Variants in B3GALT1 observed in about 807,000 individuals in gnomAD.
B3GALT1 encodes the protein UDP-Gal:betaGlcNAc beta 1,3-galactosyltransferase, polypeptide 1.
In B3GALT1, 10 loss-of-function variants were observed where a neutral mutation model predicts 23.2. The observed-to-expected ratio is 0.43, with a 90% CI of 0.27 to 0.73. B3GALT1 has a LOEUF of 0.73. Among genes scored for constraint, B3GALT1 ranks in the 30% least tolerant of loss-of-function variants. The pLI, the probability that B3GALT1 is intolerant of heterozygous loss-of-function variation, is 0.21. For missense variants in B3GALT1, 299 were observed against 405.4 expected (o/e 0.74, Z 2.25); for synonymous variants, 156 against 141.5 (o/e 1.10, Z -0.73).
At chr2:167,730,343 A>G (rs1484964036) in intron 3 of B3GALT1, among the ~76,000 whole-genome samples, 4 of 152,178 alleles carry the variant, frequency 2.6e-5, no homozygotes, top group African/African-American at 9.7e-5. Context: ...AACAACTCCC[A>G]AATTAGAAAG....
At chr2:167,728,947 A>G (rs537119542) in intron 3 of B3GALT1, among the ~76,000 whole-genome samples, 5 of 152,282 alleles carry the variant, frequency 3.3e-5, no homozygotes, top group Admixed American at 1.3e-4. Context: ...TGCTTTTTTT[A>G]TCTCAGATTC....
At chr2:167,676,327 T>G (rs1436706727) in intron 3 of B3GALT1, among the ~76,000 whole-genome samples, 1 of 151,990 alleles carries the variant, frequency 6.6e-6, no homozygotes, top group East Asian at 1.9e-4. Context: ...AAGAAAAAAA[T>G]GTAAGGTTTC....
At chr2:167,782,705 G>A (rs1188077792) in intron 3 of B3GALT1, among the ~76,000 whole-genome samples, 2 of 152,178 alleles carry the variant, frequency 1.3e-5, no homozygotes, top group African/African-American at 4.8e-5. Context: ...TTAACAGGGT[G>A]TGCATGTTAA....
Position 167,651,593 on chromosome 2 carries a change from G to C in B3GALT1, c.-352+4627G>C, listed in dbSNP as rs561546562. Among the ~76,000 whole-genome samples, 21 of 152,120 alleles carry C rather than the reference G, an allele frequency of 1.4e-4. No individual in the cohort carries two copies. The South Asian group carries it at 1.7e-3, about 12-fold the overall frequency. On this transcript the variant is annotated intron_variant, in intron 3 of 4. Transcript: ENST00000392690. ...TTCATTCATTCAATTAACTTTTATTGAACACCTACTATGTGCCATGTATCC... is the reference window on the plus strand; with the variant it reads ...TTCATTCATTCAATTAACTTTTATTCAACACCTACTATGTGCCATGTATCC...
intron 1 of B3GALT1, among the ~76,000 whole-genome samples, chr2:167,336,814 G>A (rs986065907): frequency 6.6e-6 from 1 of 151,906 alleles, no homozygotes; most frequent in East Asian, 1.9e-4. Context: ...AACTTTTACA[G>A]TTCTAAACAT....
At chr2:167,667,560 C>G (rs1003407827) in intron 3 of B3GALT1, among the ~76,000 whole-genome samples, 1 of 152,156 alleles carries the variant, frequency 6.6e-6, no homozygotes, top group African/African-American at 2.4e-5. Flanking sequence ...CAACTTGGTT[C>G]CATTCTTCCC....
At chr2:167,805,247 A>G (rs1345910198) in intron 3 of B3GALT1, among the ~76,000 whole-genome samples, 1 of 152,060 alleles carries the variant, frequency 6.6e-6, no homozygotes, top group South Asian at 2.1e-4. Context: ...AGATGAGTAG[A>G]TTGCAAAAAT....
intron 4 of B3GALT1, among the ~76,000 whole-genome samples, chr2:167,864,729 G>A (rs534547826): frequency 1.3e-5 from 2 of 152,146 alleles, no homozygotes; most frequent in Non-Finnish European, 2.9e-5. Context: ...GTGTGATCTT[G>A]AGCAAGCTAC....
chr2:167,788,830 G>A (rs1273745811), intron 3 of B3GALT1, among the ~76,000 whole-genome samples: 1 of 152,120 alleles, frequency 6.6e-6, no homozygotes, highest in East Asian at 1.9e-4. Flanking sequence ...AATGACCAAG[G>A]GAGAGGAAGG....
At chr2:167,565,841 T>C (rs1684152553) in intron 2 of B3GALT1, among the ~76,000 whole-genome samples, 1 of 151,652 alleles carries the variant, frequency 6.6e-6, no homozygotes, top group South Asian at 2.1e-4. Flanking sequence ...CATTAAAAAG[T>C]CAGGAAACAA....
At chr2:167,417,624 A>T (rs1698490189) in intron 1 of B3GALT1, among the ~76,000 whole-genome samples, 1 of 152,196 alleles carries the variant, frequency 6.6e-6, no homozygotes. Flanking sequence ...AACTAGTATT[A>T]TTCAAAGTTT....
At chr2:167,525,847 T>G (rs1392649985) in intron 2 of B3GALT1, among the ~76,000 whole-genome samples, 3 of 151,766 alleles carry the variant, frequency 2.0e-5, no homozygotes, top group Non-Finnish European at 4.4e-5. Context: ...CTCCTCAGCT[T>G]AAGTCTTAAG....
intron 2 of B3GALT1, among the ~76,000 whole-genome samples, chr2:167,558,802 A>G (rs7572439): frequency 0.036 from 5,522 of 152,334 alleles, 168 homozygotes; most frequent in African/African-American, 0.089. Flanking sequence ...CAAAGCAGCC[A>G]GGAAGTTCGA....
intron 3 of B3GALT1, among the ~76,000 whole-genome samples, chr2:167,682,967 C>T (rs531540006): frequency 3.6e-4 from 55 of 152,230 alleles, no homozygotes; most frequent in African/African-American, 1.2e-3. Context: ...TCATACAGAG[C>T]GTTCAGCTTT....
chr2:167,704,068 C>T (rs1686930520), intron 3 of B3GALT1, among the ~76,000 whole-genome samples: 1 of 151,308 alleles, frequency 6.6e-6, no homozygotes, highest in African/African-American at 2.4e-5. Context: ...GTAGTCCCAG[C>T]TACTCGGGAG....
intron 2 of B3GALT1, among the ~76,000 whole-genome samples, chr2:167,620,335 G>A (rs1356035619): frequency 6.6e-6 from 1 of 152,076 alleles, no homozygotes; most frequent in Non-Finnish European, 1.5e-5. Context: ...CTAACCCATA[G>A]TATACAAGAG....
intron 1 of B3GALT1, among the ~76,000 whole-genome samples, chr2:167,295,933 C>T (rs1696343858): frequency 6.6e-6 from 1 of 152,102 alleles, no homozygotes; most frequent in Non-Finnish European, 1.5e-5. Context: ...TATGTTTAAG[C>T]ATAAACAAAT....
intron 3 of B3GALT1, among the ~76,000 whole-genome samples, chr2:167,722,955 AT>A (rs1251253835): frequency 6.6e-6 from 1 of 152,224 alleles, no homozygotes; most frequent in Non-Finnish European, 1.5e-5. Context: ...GTCCAAAATT[AT>A]TTTATTGAAA....
intron 1 of B3GALT1, among the ~76,000 whole-genome samples, chr2:167,461,892 A>G (rs141143588): frequency 5.9e-5 from 9 of 152,330 alleles, no homozygotes; most frequent in Non-Finnish European, 1.0e-4. Flanking sequence ...ACCTATGTGT[A>G]TGAACATGTA....
Sources: allele counts gnomAD v4.1 joint callset (sites outside exome capture counted in the v4.1 genomes callset), GRCh38; gene constraint gnomAD v4.1.1; transcripts MANE v1.5; gene names NCBI Gene and HGNC (gene_info 2026-07-23, HGNC 2026-07-21).